Variants in AP4E1 observed in about 807,000 individuals in gnomAD.
AP4E1 encodes the protein adaptor related protein complex 4 subunit epsilon 1.
Under a neutral mutation model 128.2 loss-of-function variants are expected in AP4E1, and 56 were observed. The ratio of observed to expected loss-of-function variants is 0.44; its 90% confidence interval spans 0.35 to 0.55. AP4E1 has a LOEUF of 0.55. Among genes scored for constraint, AP4E1 ranks in the 20% least tolerant of loss-of-function variants. AP4E1 has a pLI of 0.00. For synonymous variants in AP4E1, 484 were observed against 473.1 expected (o/e 1.02, Z -0.30); for missense variants, 1,324 against 1,307.7 (o/e 1.01, Z -0.19).
At chr15:50,925,005 T>A in intron 4 of AP4E1, 93 bp from the exon 5 acceptor site, 3 of 1,429,586 alleles carry the variant, frequency 2.1e-6, no homozygotes, top group Non-Finnish European at 2.9e-6. Context: ...TAGCACAAAA[T>A]TACTAAGTAT....
Position 50,993,406 on chromosome 15 carries a change from G to A in AP4E1, c.2127G>A (p.Leu709=), listed in dbSNP as rs2064828228. 3.7e-6 allele frequency: 6 copies of A among 1,613,866 alleles called. No individual in the cohort carries two copies. Among genetic ancestry groups the A allele is most frequent in the Non-Finnish European group, 4.2e-6 (5 of 1,179,958 alleles). The part of the protein sequence containing the change: ...NSLKLEGIKK[L]WGKEGYLPKK... ...TGAAGCTGGAAGGTATAAAGAAATT[G>A]TGGGGGAAAGAAGGCTATCTTCCCA... The change falls in exon 17 of 21, where the codon TTG becomes TTA. Residue 709 remains leucine (L), a synonymous_variant. Coordinates refer to ENST00000261842, the MANE Select transcript of AP4E1 (RefSeq NM_007347.5).
intron 8 of AP4E1, among the ~76,000 whole-genome samples, chr15:50,941,118 T>A (rs2063980395): frequency 6.6e-6 from 1 of 152,176 alleles, no homozygotes; most frequent in Non-Finnish European, 1.5e-5. Flanking sequence ...CAGGATGTTT[T>A]TTTCCATCTG....
At chr15:50,931,094 T>C in intron 7 of AP4E1, 123 bp downstream of exon 7, 1 of 1,197,208 alleles carries the variant, frequency 8.4e-7, no homozygotes, top group Non-Finnish European at 1.2e-6. Flanking sequence ...TTAATAGTGA[T>C]AAAAGAAGCC....
rs28417251 is a variant in AP4E1 at position 50,953,262 on chromosome 15, G to A, written c.1548+3093G>A. Among the ~76,000 whole-genome samples the A allele has an allele frequency of 4.8e-3, 725 of 152,074 alleles. 9 individuals are homozygous for A. Among genetic ancestry groups the A allele is most frequent in the African/African-American group, 0.017 (700 of 41,468 alleles). On this transcript the variant is annotated intron_variant, in intron 13 of 20. Transcript: ENST00000261842. ...CCATTAGTTTTTTTTGTCTATGAACGTGGCATGTCACTCCACTTAATTTAG... is the reference window on the plus strand; with the variant it reads ...CCATTAGTTTTTTTTGTCTATGAACATGGCATGTCACTCCACTTAATTTAG...
At position 51,001,120 on chromosome 15, in the gene AP4E1, G is replaced by A; in HGVS notation, c.3190G>A (p.Ala1064Thr). ...TGTAAAAATGTCAGAATCTCAAGCTGCACTTCCTTCTGCACTAAAGACTCT... is the reference window on the plus strand; with the variant it reads ...TGTAAAAATGTCAGAATCTCAAGCTACACTTCCTTCTGCACTAAAGACTCT... ...QNVKMSESQA[A>T]LPSALKTLQQ... The change falls in exon 20 of 21, where the codon GCA (alanine) becomes ACA (threonine). Residue 1064 changes from alanine to threonine, a missense_variant. Transcript: ENST00000261842. The A allele has an allele frequency of 1.2e-6, 2 of 1,613,582 alleles. No homozygotes were observed. The highest frequency in any genetic ancestry group is 1.7e-6 in the Non-Finnish European group (2 of 1,179,682).
intron 15 of AP4E1, among the ~76,000 whole-genome samples, chr15:50,975,028 A>G (rs79335021): frequency 6.0e-4 from 91 of 152,212 alleles, no homozygotes; most frequent in African/African-American, 2.1e-3. Context: ...AATTTGATGT[A>G]TTGCCACTTG....
At chr15:50,913,538 A>G (rs1190973941) in intron 2 of AP4E1, among the ~76,000 whole-genome samples, 4 of 152,234 alleles carry the variant, frequency 2.6e-5, no homozygotes, top group Non-Finnish European at 4.4e-5. Flanking sequence ...AGAGCTGTTC[A>G]TGTAAAGGTT....
At chr15:50,927,518 T>TTG (rs890784322) in intron 5 of AP4E1, among the ~76,000 whole-genome samples, 3 of 150,096 alleles carry the variant, frequency 2.0e-5, no homozygotes, top group African/African-American at 7.4e-5. Flanking sequence ...TATTCAGAGT[T>TTG]TTTTTTTTTT....
rs151262026 is a variant in AP4E1, at chr15:50,969,246, G to T, written c.1966+869G>T. On this transcript the variant is annotated intron_variant, in intron 15 of 20. Transcript: ENST00000261842. ...CATCATTTAGCTCCCACTTTTAAGC[G>T]AGAACATGCGGTATTTGGCTTTCTG... Among the ~76,000 whole-genome samples, 10 of 152,204 alleles carry T rather than the reference G, an allele frequency of 6.6e-5. No individual in the cohort carries two copies. In the East Asian group the frequency reaches 1.9e-3, roughly 29 times the overall value.
intron 13 of AP4E1, among the ~76,000 whole-genome samples, chr15:50,952,615 T>C: frequency 6.6e-6 from 1 of 152,154 alleles, no homozygotes; most frequent in Non-Finnish European, 1.5e-5. Flanking sequence ...CTTAGGGCTA[T>C]TATTCTCCTC....
chr15:50,923,931 G>T lies in AP4E1; in HGVS notation c.347G>T (p.Gly116Val), dbSNP rs1286197690. The T allele has an allele frequency of 1.1e-5, 17 of 1,610,192 alleles. No individual in the cohort carries two copies. Among genetic ancestry groups the T allele is most frequent in the Non-Finnish European group, 1.4e-5 (17 of 1,177,082 alleles). Residue 116 changes from glycine to valine, a missense_variant and splice_region_variant, in exon 4 of 21, where the codon GGT becomes GTT. Physicochemically the swap from Gly to Val is moderately radical, Grantham distance 109. Transcript: ENST00000261842. ...QQGNLLEKRV[G>V]YLAVSLFLHE... is the part of the protein sequence containing the mutation. The stretch of plus-strand genomic sequence containing the variant: ...CAGACTTTTCCCTCAACTTTTATAG[G>T]TTATTTGGCTGTTTCCTTATTTCTA...
intron 20 of AP4E1, 108 bp downstream of exon 20, chr15:51,001,291 T>C: frequency 1.9e-6 from 2 of 1,047,462 alleles, no homozygotes; most frequent in South Asian, 3.0e-5. Flanking sequence ...TTATTTCCTA[T>C]TATGACTGTC....
intron 17 of AP4E1, among the ~76,000 whole-genome samples, chr15:50,994,292 T>C (rs938625080): frequency 5.3e-5 from 8 of 152,318 alleles, no homozygotes; most frequent in African/African-American, 1.9e-4. Context: ...AGGTGCTGTT[T>C]TTGAGCATCT....
chr15:50,940,374 T>C (rs1404141986), intron 8 of AP4E1, among the ~76,000 whole-genome samples: 1 of 152,170 alleles, frequency 6.6e-6, no homozygotes, highest in East Asian at 1.9e-4. Flanking sequence ...CCTTGTAAAT[T>C]TGAGAAAAAG....
intron 15 of AP4E1, among the ~76,000 whole-genome samples, chr15:50,977,776 T>C (rs1476938282): frequency 1.3e-5 from 2 of 150,468 alleles, no homozygotes; most frequent in African/African-American, 4.9e-5. Flanking sequence ...GTTGCAATCT[T>C]TTGGCTCACT....
chr15:50,911,256 A>G (rs917025913), intron 1 of AP4E1, among the ~76,000 whole-genome samples: 4 of 152,182 alleles, frequency 2.6e-5, no homozygotes, highest in African/African-American at 4.8e-5. Flanking sequence ...GAGTGACCAC[A>G]TTGGTATGTG....
In AP4E1 at chr15:51,004,143, C is replaced by A. The variant is rs1013586894; in HGVS notation, c.*1481C>A. On this transcript the variant is annotated 3_prime_UTR_variant, in exon 21 of 21. Transcript: ENST00000261842. ...GGAATTTCTTGCATAATAGGTTCCT[C>A]CTTTTGAATAGATCAGATTCATCCC... The A allele has an allele frequency of 1.3e-5, 2 of 152,178 alleles. No individual in the cohort carries two copies. Among genetic ancestry groups the A allele is most frequent in the East Asian group, 3.8e-4 (2 of 5,196 alleles). 9.4% of individuals were successfully genotyped at this position (152,178 alleles called of 1,614,324 possible).
chr15:50,909,042 C>A, intron 1 of AP4E1, 114 bp downstream of exon 1: 7 of 1,490,962 alleles, frequency 4.7e-6, no homozygotes, highest in Non-Finnish European at 6.3e-6. Flanking sequence ...TCCGGCGGGG[C>A]TCAGGGGCTG....
intron 15 of AP4E1, among the ~76,000 whole-genome samples, chr15:50,977,911 G>A (rs1461931823): frequency 6.6e-6 from 1 of 151,906 alleles, no homozygotes; most frequent in Non-Finnish European, 1.5e-5. Context: ...CGTTTCACCT[G>A]TTGCCCAGGC....
Sources: gnomAD v4.1 joint callset for allele counts (sites outside exome capture counted in the v4.1 genomes callset) on GRCh38, gnomAD v4.1.1 for gene constraint, MANE v1.5 for transcripts, NCBI Gene and HGNC (gene_info 2026-07-23, HGNC 2026-07-21) for gene names.